Variants in HS3ST5 observed in about 807,000 individuals in gnomAD.
HS3ST5 encodes the protein heparan sulfate-glucosamine 3-sulfotransferase 5.
HS3ST5 carries 10 observed loss-of-function variants against 25.4 expected under a neutral mutation model. The observed-to-expected ratio is 0.39, with a 90% confidence interval of 0.24 to 0.67. HS3ST5 has a LOEUF of 0.67. Ranked by LOEUF, HS3ST5 falls within the 30% of genes least tolerant of loss-of-function variation. HS3ST5 has a pLI of 0.44. For missense variants in HS3ST5, 324 were observed against 420.7 expected, an observed-to-expected ratio of 0.77 and a Z score of 2.01; for synonymous variants, 170 against 162.4, an observed-to-expected ratio of 1.05 and a Z score of -0.36.
At chr6:114,107,836 A>T (rs1043262202) in intron 3 of HS3ST5, among the ~76,000 whole-genome samples, 3 of 152,204 alleles carry the variant, frequency 2.0e-5, no homozygotes, top group Non-Finnish European at 4.4e-5. Flanking sequence ...TATCGAGAGA[A>T]ATTAAAGATG....
chr6:114,222,695 G>T (rs1293458511), intron 2 of HS3ST5, among the ~76,000 whole-genome samples: 2 of 151,810 alleles, frequency 1.3e-5, no homozygotes, highest in African/African-American at 4.8e-5. Flanking sequence ...AGAACAAAGT[G>T]AGTTACCTGA....
At chr6:114,211,388 G>C (rs895141240) in intron 2 of HS3ST5, among the ~76,000 whole-genome samples, 1 of 152,080 alleles carries the variant, frequency 6.6e-6, no homozygotes, top group Non-Finnish European at 1.5e-5. Context: ...CATTGTGTGA[G>C]TTATTCCTCA....
intron 4 of HS3ST5, 81 bp downstream of exon 4, chr6:114,062,658 T>C: frequency 1.2e-6 from 1 of 840,542 alleles, no homozygotes; most frequent in African/African-American, 1.7e-5. Context: ...AACAAGTGGA[T>C]AGACTTAAAA....
In HS3ST5 at chr6:114,056,560, A is replaced by G. The variant is rs1772780809; in HGVS notation, c.*697T>C. The G allele has an allele frequency of 6.6e-6, 1 of 152,228 alleles. No homozygotes were observed. The highest frequency in any genetic ancestry group is 1.5e-5 in the Non-Finnish European group (1 of 68,040). 9.4% of individuals were successfully genotyped at this position (152,228 alleles called of 1,614,324 possible). ...TTCAGTTTACAAAATAGAATTACTT[A>G]GTGTGAAACCAGTATTTACAACAAT... On this transcript the variant is annotated 3_prime_UTR_variant, in exon 5 of 5. Coordinates refer to ENST00000312719, the MANE Select transcript of HS3ST5 (RefSeq NM_153612.4).
At chr6:114,067,134 C>T (rs1773497150) in intron 3 of HS3ST5, among the ~76,000 whole-genome samples, 1 of 151,944 alleles carries the variant, frequency 6.6e-6, no homozygotes, top group Non-Finnish European at 1.5e-5. Flanking sequence ...TTCGAGACTT[C>T]CAGATCCTAC....
chr6:114,100,423 A>G (rs1355234024), intron 3 of HS3ST5, among the ~76,000 whole-genome samples: 2 of 152,150 alleles, frequency 1.3e-5, no homozygotes, highest in Non-Finnish European at 2.9e-5. Context: ...GTATTTCCCC[A>G]GAGATGGTCT....
Position 114,116,591 on chromosome 6 carries a change from G to A in HS3ST5, c.-33+51760C>T, listed in dbSNP as rs556049546. On this transcript the variant is annotated intron_variant, in intron 3 of 4. Transcript: ENST00000312719. The stretch of plus-strand genomic sequence containing the variant: ...TATCTCCAAGAGCATTAAGAATAAA[G>A]TTAAATTTCTTAGCAGGCCATAGAT... 2.6e-5 allele frequency among the ~76,000 whole-genome samples: 4 copies of A among 152,220 alleles called. No individual in the cohort carries two copies. The East Asian group carries it at 7.7e-4, about 29-fold the overall frequency.
intron 3 of HS3ST5, among the ~76,000 whole-genome samples, chr6:114,161,248 G>T (rs965489101): frequency 1.1e-4 from 17 of 151,682 alleles, no homozygotes; most frequent in Non-Finnish European, 2.5e-4. Flanking sequence ...GACAATAGTT[G>T]TGTTGGCTGC....
intron 1 of HS3ST5, among the ~76,000 whole-genome samples, chr6:114,304,413 T>C (rs1775206914): frequency 6.6e-6 from 1 of 152,122 alleles, no homozygotes. Flanking sequence ...GCATAGTAAG[T>C]GCTGTGATTC....
intron 1 of HS3ST5, among the ~76,000 whole-genome samples, chr6:114,238,166 A>G (rs763807264): frequency 6.6e-6 from 1 of 152,246 alleles, no homozygotes; most frequent in Non-Finnish European, 1.5e-5. Context: ...ATGATTATTT[A>G]TTAGATGACT....
At chr6:114,332,244 G>A (rs567096967) in intron 1 of HS3ST5, among the ~76,000 whole-genome samples, 3 of 152,202 alleles carry the variant, frequency 2.0e-5, no homozygotes, top group African/African-American at 7.2e-5. Flanking sequence ...GTTAGGGCAG[G>A]ACAAAGGGGT....
At chr6:114,152,226 A>G (rs950451825) in intron 3 of HS3ST5, among the ~76,000 whole-genome samples, 1 of 152,120 alleles carries the variant, frequency 6.6e-6, no homozygotes, top group African/African-American at 2.4e-5. Flanking sequence ...CAGGCCATAA[A>G]TTTATGTTTC....
intron 3 of HS3ST5, among the ~76,000 whole-genome samples, chr6:114,123,749 G>GTTT (rs1776905985): frequency 6.6e-6 from 1 of 152,106 alleles, no homozygotes; most frequent in African/African-American, 2.4e-5. Flanking sequence ...TACTCTGTAT[G>GTTT]GAACACATAC....
rs1312028786 is a variant in HS3ST5, at chr6:114,164,142, GA to G, written c.-33+4208del. On this transcript the variant is annotated intron_variant, in intron 3 of 4. Transcript: ENST00000312719. ...AATACTTTTAAAGTAAAATATGTAG[GA>G]TTTTTTTTGCTATTTCACTATCTTG... Among the ~76,000 whole-genome samples the G allele has an allele frequency of 4.9e-4, 7 of 14,430 alleles. No individual in the cohort carries two copies. In the East Asian group the frequency reaches 0.01, roughly 21 times the overall value. The allele number at this position is 14,430 out of a possible 152,430, so 9.5% of individuals were successfully genotyped here. A position where few individuals can be genotyped will look rare whatever the true frequency, so the allele number is the denominator to read the frequency against.
At chr6:114,264,553 T>C (rs556429833) in intron 1 of HS3ST5, among the ~76,000 whole-genome samples, 1 of 152,346 alleles carries the variant, frequency 6.6e-6, no homozygotes, top group South Asian at 2.1e-4. Flanking sequence ...CATGTGCTTA[T>C]TGGACATTTT....
At chr6:114,338,195 C>T (rs1776682730) in intron 1 of HS3ST5, among the ~76,000 whole-genome samples, 1 of 151,832 alleles carries the variant, frequency 6.6e-6, no homozygotes, top group Admixed American at 6.6e-5. Context: ...CCATGTATGG[C>T]ACAAAGGGAT....
intron 3 of HS3ST5, among the ~76,000 whole-genome samples, chr6:114,100,448 A>AG (rs2114819211): frequency 6.6e-6 from 1 of 152,246 alleles, no homozygotes; most frequent in South Asian, 2.1e-4. Context: ...TAAAAAAAAA[A>AG]TCGATATCAA....
chr6:114,336,374 C>T (rs925226079), intron 1 of HS3ST5, among the ~76,000 whole-genome samples: 18 of 152,116 alleles, frequency 1.2e-4, no homozygotes, highest in East Asian at 5.8e-4. Flanking sequence ...TTTGGGAGGC[C>T]GAGGTGAGCA....
intron 3 of HS3ST5, among the ~76,000 whole-genome samples, chr6:114,103,987 C>T (rs964026745): frequency 6.6e-6 from 1 of 151,780 alleles, no homozygotes; most frequent in Non-Finnish European, 1.5e-5. Flanking sequence ...AGGCGTGAGC[C>T]ACTGTGCCCG....
Sources: gnomAD v4.1 joint callset for allele counts (sites outside exome capture counted in the v4.1 genomes callset) on GRCh38, gnomAD v4.1.1 for gene constraint, MANE v1.5 for transcripts, NCBI Gene and HGNC (gene_info 2026-07-23, HGNC 2026-07-21) for gene names.